The following KIF9 variants were observed in gnomAD, a reference collection of about 807,000 sequenced individuals.
The protein encoded by KIF9 is kinesin-like protein KIF9.
KIF9 carries 68 observed loss-of-function variants against 94.8 expected under a neutral mutation model. The observed-to-expected ratio is 0.72, with a 90% CI of 0.59 to 0.88. KIF9 has a LOEUF of 0.88. Among genes scored for constraint, KIF9 ranks in the 40% least tolerant of loss-of-function variants. The pLI is 0.00. For missense variants in KIF9, 882 were observed against 982.5 expected (o/e 0.90, Z 1.37); for synonymous variants, 343 against 362.1 (o/e 0.95, Z 0.60).
chr3:47,265,209 G>A (rs1040280758), intron 8 of KIF9, among the ~76,000 whole-genome samples: 5 of 152,226 alleles, frequency 3.3e-5, no homozygotes, highest in Non-Finnish European at 5.9e-5. Flanking sequence ...CAGCAGAGGA[G>A]AGATGATACA....
intron 10 of KIF9, chr3:47,250,586 T>A: frequency 2.0e-6 from 1 of 491,808 alleles, no homozygotes. Context: ...CACACAAGCG[T>A]ATGAACACAC....
chr3:47,273,442 T>A, intron 4 of KIF9, 110 bp downstream of exon 4: 1 of 775,150 alleles, frequency 1.3e-6, no homozygotes, highest in Non-Finnish European at 2.1e-6. Flanking sequence ...CCACTGCAAC[T>A]CCTTTGAGGC....
At chr3:47,273,228 G>A (rs1701757466) in intron 4 of KIF9, among the ~76,000 whole-genome samples, 1 of 152,134 alleles carries the variant, frequency 6.6e-6, no homozygotes, top group South Asian at 2.1e-4. Context: ...AGAATGATTA[G>A]GACCTCCAAA....
chr3:47,236,423 A>G lies in KIF9; in HGVS notation c.2101+20T>C. The G allele has an allele frequency of 1.9e-6, 3 of 1,612,042 alleles. No homozygotes were observed. The highest frequency in any genetic ancestry group is 2.5e-6 in the Non-Finnish European group (3 of 1,179,682). ...TCTCCTTGTACCTCAGGTGGCGGCC[A>G]ACCTTCCCAACTGTCGCACCCATGA... On this transcript the variant is annotated intron_variant, in intron 18 of 20. Coordinates refer to ENST00000684063, the MANE Select transcript of KIF9 (RefSeq NM_182902.4).
chr3:47,268,211 C>G (rs1033907665), intron 5 of KIF9, among the ~76,000 whole-genome samples: 1 of 152,066 alleles, frequency 6.6e-6, no homozygotes, highest in African/African-American at 2.4e-5. Flanking sequence ...GCCCTTACCT[C>G]TAATTTACAG....
At chr3:47,277,928 CACAG>C (rs947952454) in intron 1 of KIF9, among the ~76,000 whole-genome samples, 2 of 152,082 alleles carry the variant, frequency 1.3e-5, no homozygotes, top group African/African-American at 2.4e-5. Context: ...GAAAAAATAT[CACAG>C]ACAGTCCCCT....
chr3:47,271,763 A>G (rs1701662336), intron 4 of KIF9, among the ~76,000 whole-genome samples: 1 of 152,190 alleles, frequency 6.6e-6, no homozygotes, highest in Non-Finnish European at 1.5e-5. Context: ...TTCCATCCAC[A>G]TATAAATCTC....
chr3:47,238,251 T>C (rs943644542), intron 17 of KIF9, among the ~76,000 whole-genome samples: 1 of 152,182 alleles, frequency 6.6e-6, no homozygotes, highest in Admixed American at 6.5e-5. Context: ...AGGGCCTCAC[T>C]ATGTCGCCAA....
chr3:47,236,369 C>A, intron 18 of KIF9, 74 bp downstream of exon 18: 1 of 1,523,488 alleles, frequency 6.6e-7, no homozygotes, highest in East Asian at 2.3e-5. Context: ...AGGGTGCTTC[C>A]AGAACTCAGG....
chr3:47,243,329 G>C, intron 15 of KIF9, 84 bp from the exon 16 acceptor site: 1 of 1,166,556 alleles, frequency 8.6e-7, no homozygotes, highest in Non-Finnish European at 1.2e-6. Context: ...TCTCAGCACT[G>C]ACTACACTGG....
At chr3:47,238,843 T>A (rs1699250488) in intron 17 of KIF9, among the ~76,000 whole-genome samples, 2 of 152,138 alleles carry the variant, frequency 1.3e-5, no homozygotes, top group Non-Finnish European at 2.9e-5. Context: ...TTTTGTATTT[T>A]TAGTAGAGAC....
intron 12 of KIF9, chr3:47,246,551 GT>G (rs11333588): frequency 0.93 from 136,771 of 147,570 alleles, 63,677 homozygotes; most frequent in South Asian, 0.99. Context: ...CCTTCTAAAG[GT>G]TTTTTTTTTT....
intron 20 of KIF9, among the ~76,000 whole-genome samples, chr3:47,231,478 T>C (rs1301986286): frequency 6.9e-6 from 1 of 144,518 alleles, no homozygotes; most frequent in Non-Finnish European, 1.5e-5. Context: ...TGGTGCAAGC[T>C]TGGCTCACTG....
At chr3:47,239,700 G>C in intron 17 of KIF9, 1 of 1,183,238 alleles carries the variant, frequency 8.5e-7, no homozygotes, top group Non-Finnish European at 1.1e-6. Context: ...CGATTTTCAT[G>C]CCTCAGCCTC....
At chr3:47,277,153 G>A in intron 2 of KIF9, 129 bp downstream of exon 2, 1 of 579,882 alleles carries the variant, frequency 1.7e-6, no homozygotes. Flanking sequence ...GATTTGATGG[G>A]CTCTAGAGTC....
At chr3:47,241,433 T>C (rs1699477095) in intron 16 of KIF9, among the ~76,000 whole-genome samples, 1 of 151,832 alleles carries the variant, frequency 6.6e-6, no homozygotes, top group Admixed American at 6.6e-5. Flanking sequence ...GCGATTCTCC[T>C]GCCTCAGCCT....
At chr3:47,267,644 C>G (rs7636423) in intron 5 of KIF9, among the ~76,000 whole-genome samples, 86,896 of 151,946 alleles carry the variant, frequency 0.57, 25,007 homozygotes, top group Non-Finnish European at 0.6. Context: ...TTTTTAATAA[C>G]AGAGAGAAAT....
At chr3:47,281,440 T>G (rs1157339737) in intron 1 of KIF9, among the ~76,000 whole-genome samples, 1 of 152,156 alleles carries the variant, frequency 6.6e-6, no homozygotes, top group Admixed American at 6.6e-5. Flanking sequence ...CTCCACATCC[T>G]GGGTTCAAGC....
At chr3:47,246,331 T>A in intron 12 of KIF9, 79 bp from the exon 13 acceptor site, 2 of 1,198,010 alleles carry the variant, frequency 1.7e-6, no homozygotes, top group Non-Finnish European at 2.4e-6. Context: ...AGTAGAGAAA[T>A]CAAGACCCCT....
Sources: allele counts gnomAD v4.1 joint callset (sites outside exome capture counted in the v4.1 genomes callset), GRCh38; gene constraint gnomAD v4.1.1; transcripts MANE v1.5; gene names NCBI Gene and HGNC (gene_info 2026-07-23, HGNC 2026-07-21).